ARID2: variants seen among roughly 807,000 people sequenced by gnomAD.
ARID2 encodes AT-rich interactive domain-containing protein 2.
A neutral mutation model predicts 184.6 loss-of-function variants in ARID2; 32 were observed. The ratio of observed to expected loss-of-function variants is 0.17; its 90% CI spans 0.13 to 0.23. ARID2 has a LOEUF of 0.23. Among genes scored for constraint, ARID2 ranks in the 10% least tolerant of loss-of-function variants. The pLI, the probability that ARID2 is intolerant of heterozygous loss-of-function variation, is 1.00. For synonymous variants in ARID2, 836 were observed against 772.6 expected, an observed-to-expected ratio of 1.08 and a Z score of -1.36; for missense variants, 1,696 against 2,197.6, an observed-to-expected ratio of 0.77 and a Z score of 4.56.
At chr12:45,730,552 A>C (rs1466137166) in intron 2 of ARID2, among the ~76,000 whole-genome samples, 2 of 152,086 alleles carry the variant, frequency 1.3e-5, no homozygotes, top group African/African-American at 4.8e-5. Flanking sequence ...ACACAGAGAC[A>C]CACAGACTCT....
intron 6 of ARID2, among the ~76,000 whole-genome samples, chr12:45,835,935 A>T (rs890259504): frequency 6.6e-6 from 1 of 151,848 alleles, no homozygotes; most frequent in Non-Finnish European, 1.5e-5. Context: ...GAAATGTCAA[A>T]TTTCCAGTAG....
intron 16 of ARID2, among the ~76,000 whole-genome samples, chr12:45,876,906 A>T (rs1328709440): frequency 6.6e-6 from 1 of 151,724 alleles, no homozygotes; most frequent in African/African-American, 2.4e-5. Flanking sequence ...TGGCTAACAC[A>T]GTGAAAACTC....
At chr12:45,842,604 A>G (rs969628281) in intron 11 of ARID2, among the ~76,000 whole-genome samples, 3 of 152,010 alleles carry the variant, frequency 2.0e-5, no homozygotes, top group Non-Finnish European at 2.9e-5. Context: ...TAAAAATACA[A>G]AAATTATCTG....
At chr12:45,822,102 A>T (rs1942909259) in intron 6 of ARID2, among the ~76,000 whole-genome samples, 1 of 152,192 alleles carries the variant, frequency 6.6e-6, no homozygotes, top group South Asian at 2.1e-4. Flanking sequence ...TATTGTTTAA[A>T]CACCTTTTCT....
chr12:45,778,519 CAG>C (rs768182774), intron 3 of ARID2, among the ~76,000 whole-genome samples: 1 of 151,842 alleles, frequency 6.6e-6, no homozygotes, highest in African/African-American at 2.4e-5. Flanking sequence ...TAAAAGACTG[CAG>C]AGAGAGTAAT....
At position 45,850,208 on chromosome 12, in the gene ARID2, A is replaced by T. The variant is rs2138159891; in HGVS notation, c.2085A>T (p.Gln695His). 6.2e-7 allele frequency: 1 copy of T among 1,614,150 alleles called. No homozygotes were observed. Among genetic ancestry groups the T allele is most frequent in the East Asian group, 2.2e-5 (1 of 44,880 alleles). Residue 695 changes from glutamine to histidine, a missense_variant, in exon 15 of 21, where the codon CAA becomes CAT. Gln to His is a conservative substitution (Grantham distance 24). Transcript: ENST00000334344. ...ATCCTTCACCTCATACCCACCAGCAACAAAATGCTCCAGTGACTGTCATTC... is the reference window on the plus strand; with the variant it reads ...ATCCTTCACCTCATACCCACCAGCATCAAAATGCTCCAGTGACTGTCATTC... ...PQNPSPHTHQ[Q>H]QNAPVTVIQS...
chr12:45,900,100 A>T (rs1429849902), intron 20 of ARID2, among the ~76,000 whole-genome samples: 1 of 151,964 alleles, frequency 6.6e-6, no homozygotes, highest in African/African-American at 2.4e-5. Context: ...TCGCTCTGTC[A>T]CCCAGACTGG....
chr12:45,855,111 C>A (rs1943623372), intron 15 of ARID2, among the ~76,000 whole-genome samples: 1 of 152,032 alleles, frequency 6.6e-6, no homozygotes, highest in African/African-American at 2.4e-5. Context: ...AGAGGATGTT[C>A]TATTAAATGA....
chr12:45,849,013 T>A, intron 13 of ARID2, 43 bp downstream of exon 13: 1 of 1,579,662 alleles, frequency 6.3e-7, no homozygotes, highest in Non-Finnish European at 8.6e-7. Context: ...TTACGTCACT[T>A]ACAACATCTC....
rs2138233349 is a variant in ARID2, at chr12:45,892,094, C to A, written c.5145C>A (p.Thr1715=). The change falls in exon 18 of 21, where the codon ACC becomes ACA. Residue 1715 remains threonine, a splice_region_variant and synonymous_variant. Coordinates refer to ENST00000334344, the MANE Select transcript of ARID2 (RefSeq NM_152641.4). Reference sequence around the variant, plus strand: ...AAGCAGGAAGTCAGAAGTCTTCTACCAAGTAAGGAAAATGAGTTTACTTCC... The same window carrying A: ...AAGCAGGAAGTCAGAAGTCTTCTACAAAGTAAGGAAAATGAGTTTACTTCC... ...PGQAGSQKSS[T]KQPTVGGTSS... is the part of the protein sequence containing the mutation. 2 of 1,612,390 alleles carry A rather than the reference C, an allele frequency of 1.2e-6. No individual in the cohort carries two copies. Among genetic ancestry groups the A allele is most frequent in the South Asian group, 1.1e-5 (1 of 90,690 alleles).
rs762563777 is a variant in ARID2, at chr12:45,730,033, C to T, written c.93-11C>T. On this transcript the variant is annotated splice_polypyrimidine_tract_variant and intron_variant, in intron 1 of 20. Coordinates refer to ENST00000334344, the MANE Select transcript of ARID2 (RefSeq NM_152641.4). ...CCGGCTGACAAGTGCGGGGCTTTTT[C>T]TCTCCCGCAGGTCGCCTTTTAAAAA... The T allele has an allele frequency of 6.1e-5, 98 of 1,612,678 alleles. No homozygotes were observed. Among genetic ancestry groups the T allele is most frequent in the Non-Finnish European group, 8.1e-5 (96 of 1,179,548 alleles).
At chr12:45,886,450 GTTCA>G (rs906555090) in intron 16 of ARID2, among the ~76,000 whole-genome samples, 17 of 152,224 alleles carry the variant, frequency 1.1e-4, no homozygotes, top group African/African-American at 4.1e-4. Context: ...AGTGCAAGCT[GTTCA>G]TTTATCTACC....
chr12:45,879,285 A>G (rs1565635884), intron 16 of ARID2, among the ~76,000 whole-genome samples: 2 of 152,146 alleles, frequency 1.3e-5, no homozygotes, highest in Non-Finnish European at 2.9e-5. Flanking sequence ...AGGCTCTGGT[A>G]AAGTCGTTTT....
rs1411192582 is a variant in ARID2, at chr12:45,729,920, C to T, written c.84C>T (p.His28=). ...AFLDELRQFH[H]SRGSPFKKIP... ...TGGACGAGCTGCGGCAGTTCCACCA[C>T]AGCAGAGGGTGAGAGCAGAACCGGG... The change falls in exon 1 of 21, where the codon CAC becomes CAT. Residue 28 remains histidine (H), a synonymous_variant. Transcript: ENST00000334344. 1.9e-6 allele frequency: 3 copies of T among 1,608,788 alleles called. No individual in the cohort carries two copies. Among genetic ancestry groups the T allele is most frequent in the Non-Finnish European group, 2.5e-6 (3 of 1,177,796 alleles).
At chr12:45,804,471 AGTGTGTGCGT>A (rs1434578781) in intron 3 of ARID2, among the ~76,000 whole-genome samples, 12 of 150,732 alleles carry the variant, frequency 8.0e-5, no homozygotes, top group East Asian at 1.9e-4. Flanking sequence ...TAGTTTTTCT[AGTGTGTGCGT>A]GTGTGTGCGT....
At position 45,812,280 on chromosome 12, in the gene ARID2, T is replaced by C. The variant is rs1942723816; in HGVS notation, c.418+729T>C. ...TTATAATTATTCTAAATATTTATTA[T>C]CATTATTATTATTTACTGGTACTAG... On this transcript the variant is annotated intron_variant, in intron 4 of 20. Transcript: ENST00000334344. Among the ~76,000 whole-genome samples, 4 of 151,902 alleles carry C rather than the reference T, an allele frequency of 2.6e-5. No homozygotes were observed. In the South Asian group the frequency reaches 8.3e-4, roughly 32 times the overall value.
intron 20 of ARID2, among the ~76,000 whole-genome samples, chr12:45,898,966 A>G (rs887903242): frequency 7.2e-5 from 11 of 151,952 alleles, no homozygotes; most frequent in Non-Finnish European, 1.5e-4. Context: ...TGAAGGTGTT[A>G]GAAAAAATAA....
At chr12:45,789,349 G>T (rs945923685) in intron 3 of ARID2, 9 of 152,090 alleles carry the variant, frequency 5.9e-5, no homozygotes, top group African/African-American at 2.2e-4. Context: ...GCCTTCTACT[G>T]GGGCAATATT....
intron 20 of ARID2, among the ~76,000 whole-genome samples, chr12:45,899,238 T>G (rs1417884574): frequency 4.3e-5 from 5 of 115,040 alleles, no homozygotes; most frequent in Admixed American, 2.0e-4. Flanking sequence ...CACCACTGCA[T>G]TCCAGCCTGG....
Sources: gnomAD v4.1 joint callset for allele counts (sites outside exome capture counted in the v4.1 genomes callset) on GRCh38, gnomAD v4.1.1 for gene constraint, MANE v1.5 for transcripts, NCBI Gene and HGNC (gene_info 2026-07-23, HGNC 2026-07-21) for gene names.